NBAS: variants seen among roughly 807,000 people sequenced by gnomAD.
NBAS encodes the protein NAG/BC035112 fusion.
NBAS carries 219 observed loss-of-function variants against 302.5 expected under a neutral mutation model. The ratio of observed to expected loss-of-function variants is 0.72; its 90% confidence interval spans 0.65 to 0.81. The LOEUF (loss-of-function observed/expected upper bound fraction) is 0.81, where lower values mean the gene tolerates loss of function less well. Among genes scored for constraint, NBAS ranks in the 30% least tolerant of loss-of-function variants. The pLI, the probability that NBAS is intolerant of heterozygous loss-of-function variation, is 0.00. For missense variants in NBAS, 2,932 were observed against 2,841.6 expected, an observed-to-expected ratio of 1.03 and a Z score of -0.72; for synonymous variants, 1,118 against 1,021.6, an observed-to-expected ratio of 1.09 and a Z score of -1.80.
At chr2:15,542,425 GGCAGCATGCTCGTTAAGA>G (rs953028715) in intron 6 of NBAS, among the ~76,000 whole-genome samples, 2 of 126,390 alleles carry the variant, frequency 1.6e-5, no homozygotes, top group African/African-American at 6.1e-5. Context: ...GATGCTTGAA[GGCAGCATGCTCGTTAAGA>G]GTCATCACCA....
the NBAS span, among the ~76,000 whole-genome samples, chr2:14,980,792 T>C: frequency 6.6e-6 from 1 of 152,292 alleles, no homozygotes; most frequent in Admixed American, 6.5e-5. Flanking sequence ...TTTAAAAATA[T>C]AATTAATATC....
intron 44 of NBAS, among the ~76,000 whole-genome samples, chr2:15,267,613 A>G (rs1026339081): frequency 2.6e-5 from 4 of 152,184 alleles, no homozygotes; most frequent in African/African-American, 9.6e-5. Flanking sequence ...TTAGATATAT[A>G]TCTTTCCTAT....
intron 9 of NBAS, among the ~76,000 whole-genome samples, chr2:15,518,589 T>A (rs1326700862): frequency 6.6e-6 from 1 of 152,112 alleles, no homozygotes; most frequent in Non-Finnish European, 1.5e-5. Context: ...AACATGGGAA[T>A]GAATTAGCAA....
At chr2:15,006,518 C>G in the NBAS span, among the ~76,000 whole-genome samples, 4 of 152,182 alleles carry the variant, frequency 2.6e-5, no homozygotes, top group Admixed American at 2.6e-4. Flanking sequence ...AATATGATTA[C>G]AACTATGCTT....
At chr2:14,883,900 GCAGTGAACCAT>G in the NBAS span, among the ~76,000 whole-genome samples, 31 of 151,536 alleles carry the variant, frequency 2.0e-4, no homozygotes, top group African/African-American at 7.3e-5. Context: ...GGTTGAGACT[GCAGTGAACCAT>G]CAGTGAACCA....
At chr2:14,870,690 C>A in the NBAS span, among the ~76,000 whole-genome samples, 759 of 151,006 alleles carry the variant, frequency 5.0e-3, 11 homozygotes, top group African/African-American at 0.018. Flanking sequence ...CACAAAAAAT[C>A]CAGTATGCAA....
the NBAS span, among the ~76,000 whole-genome samples, chr2:14,892,086 CT>C: frequency 3.9e-5 from 6 of 152,116 alleles, no homozygotes; most frequent in Admixed American, 2.0e-4. Context: ...CTCTAATTCC[CT>C]GGCATGGCAC....
chr2:15,436,917 G>A (rs1289069217), intron 21 of NBAS, among the ~76,000 whole-genome samples: 3 of 152,168 alleles, frequency 2.0e-5, no homozygotes, highest in Non-Finnish European at 4.4e-5. Context: ...AGATAGACAG[G>A]AGGATGGACA....
the NBAS span, among the ~76,000 whole-genome samples, chr2:15,143,569 C>A: frequency 8.2e-4 from 125 of 152,038 alleles, no homozygotes; most frequent in Middle Eastern, 6.8e-3. Context: ...GCCCTTAGAG[C>A]CAAACAGAGC....
chr2:15,374,312 C>G (rs1254679503), intron 31 of NBAS, among the ~76,000 whole-genome samples: 1 of 152,088 alleles, frequency 6.6e-6, no homozygotes, highest in Non-Finnish European at 1.5e-5. Flanking sequence ...CATCCATAAT[C>G]CCCAATATCT....
chr2:15,098,390 G>GA, the NBAS span, among the ~76,000 whole-genome samples: 77 of 8,166 alleles, frequency 9.4e-3, 19 homozygotes, highest in African/African-American at 0.021. Context: ...ATGATATATT[G>GA]TATATTATAT....
rs570407371 is a variant in NBAS at position 15,455,166 on chromosome 2, G to T, written c.2339+6035C>A. ...GATCCGCCCACCTTGGCCTCCCAAA[G>T]TGCTGGGATTACAGGCGTGAGCCAC... On this transcript the variant is annotated intron_variant, in intron 21 of 51. Coordinates refer to ENST00000281513, the MANE Select transcript of NBAS (RefSeq NM_015909.4). 3.3e-5 allele frequency among the ~76,000 whole-genome samples: 5 copies of T among 152,276 alleles called. No homozygotes were observed. In the East Asian group the frequency reaches 9.7e-4, roughly 29 times the overall value.
At chr2:15,462,165 T>C (rs1014429993) in intron 19 of NBAS, among the ~76,000 whole-genome samples, 2 of 152,240 alleles carry the variant, frequency 1.3e-5, no homozygotes, top group Non-Finnish European at 2.9e-5. Flanking sequence ...GGGTGACCTA[T>C]GTCAAATGCA....
At chr2:15,371,774 G>T (rs1237196942) in intron 31 of NBAS, among the ~76,000 whole-genome samples, 1 of 152,106 alleles carries the variant, frequency 6.6e-6, no homozygotes, top group East Asian at 1.9e-4. Flanking sequence ...GAAAGCAAAG[G>T]GGGGATGGAA....
At chr2:15,098,718 A>ATATAT in the NBAS span, among the ~76,000 whole-genome samples, 9 of 139,500 alleles carry the variant, frequency 6.5e-5, no homozygotes, top group Admixed American at 1.6e-4. Context: ...ACATTATATT[A>ATATAT]TATATATTAT....
At chr2:15,131,157 C>T in the NBAS span, among the ~76,000 whole-genome samples, 1 of 152,152 alleles carries the variant, frequency 6.6e-6, no homozygotes, top group Admixed American at 6.5e-5. Flanking sequence ...CAGTGCCTGA[C>T]ACATAATCTC....
At chr2:14,942,508 T>TCCTCAGAAG in the NBAS span, among the ~76,000 whole-genome samples, 1 of 152,332 alleles carries the variant, frequency 6.6e-6, no homozygotes, top group Non-Finnish European at 1.5e-5. Context: ...TCCTGAGGCT[T>TCCTCAGAAG]CCTCAGAAGC....
the NBAS span, among the ~76,000 whole-genome samples, chr2:15,066,594 C>T: frequency 1.6e-4 from 24 of 152,310 alleles, no homozygotes; most frequent in Admixed American, 2.6e-4. Context: ...ACCACAAGCA[C>T]GTTTTTAAAA....
At chr2:15,127,454 G>A in the NBAS span, among the ~76,000 whole-genome samples, 188 of 152,266 alleles carry the variant, frequency 1.2e-3, 3 homozygotes, top group East Asian at 0.019. Context: ...TCCCTGTGTC[G>A]CAGCACAGCA....
Sources: gnomAD v4.1 joint callset for allele counts (sites outside exome capture counted in the v4.1 genomes callset) on GRCh38, gnomAD v4.1.1 for gene constraint, MANE v1.5 for transcripts, NCBI Gene and HGNC (gene_info 2026-07-23, HGNC 2026-07-21) for gene names.